The following TPD52 variants were observed in gnomAD, a reference collection of about 807,000 sequenced individuals.
TPD52 encodes tumor protein D52.
A neutral mutation model predicts 31.3 loss-of-function variants in TPD52; 17 were observed. The ratio of observed to expected loss-of-function variants is 0.54; its 90% confidence interval spans 0.37 to 0.82. TPD52 has a LOEUF of 0.82. TPD52 is among the 40% of genes least tolerant of loss of function. TPD52 has a pLI of 0.00. For missense variants in TPD52, 212 were observed against 240.1 expected, an observed-to-expected ratio of 0.88 and a Z score of 0.77; for synonymous variants, 83 against 89.6, an observed-to-expected ratio of 0.93 and a Z score of 0.42.
chr8:80,064,986 T>C, intron 1 of TPD52: 1 of 370,434 alleles, frequency 2.7e-6, no homozygotes. Flanking sequence ...GGGCAGGAGT[T>C]TGCATATCTC....
chr8:80,049,458 G>T (rs1473577592), intron 5 of TPD52, among the ~76,000 whole-genome samples: 1 of 152,142 alleles, frequency 6.6e-6, no homozygotes, highest in African/African-American at 2.4e-5. Context: ...TCAACATTTA[G>T]AGTTTATATA....
At chr8:80,034,124 T>C (rs1809765858), downstream of TPD52, among the ~76,000 whole-genome samples, 1 of 151,978 alleles carries the variant, frequency 6.6e-6, no homozygotes, top group South Asian at 2.1e-4. Flanking sequence ...GGGGCCGAGG[T>C]AGCAGGAACC....
intron 1 of TPD52, among the ~76,000 whole-genome samples, chr8:80,131,639 AT>A (rs1290745123): frequency 1.5e-4 from 23 of 152,206 alleles, no homozygotes; most frequent in African/African-American, 5.3e-4. Context: ...CCATTCCAAC[AT>A]TGTTGAAATT....
intron 1 of TPD52, among the ~76,000 whole-genome samples, chr8:80,087,443 A>G (rs1815898300): frequency 6.6e-6 from 1 of 152,224 alleles, no homozygotes; most frequent in Non-Finnish European, 1.5e-5. Flanking sequence ...AGGTATTTAC[A>G]CTATTCTTAT....
At chr8:80,064,914 T>A in intron 1 of TPD52, 1 of 496,182 alleles carries the variant, frequency 2.0e-6, no homozygotes, top group Admixed American at 2.5e-5. Context: ...AGACTTTAAA[T>A]TGCTGCAAAA....
chr8:80,061,163 C>T (rs1004778532), intron 2 of TPD52, among the ~76,000 whole-genome samples: 1 of 90,738 alleles, frequency 1.1e-5, no homozygotes, highest in African/African-American at 3.9e-5. Context: ...GTTGGGAGTT[C>T]ACAACCAGCT....
At chr8:80,157,315 G>A (rs1478171201) in intron 1 of TPD52, among the ~76,000 whole-genome samples, 2 of 151,832 alleles carry the variant, frequency 1.3e-5, no homozygotes, top group Admixed American at 6.6e-5. Flanking sequence ...TGGTAATGCT[G>A]GGAAAAATAA....
chr8:80,067,319 T>C (rs1452930416), intron 1 of TPD52: 3 of 152,020 alleles, frequency 2.0e-5, no homozygotes, highest in African/African-American at 7.3e-5. Flanking sequence ...AGCCCGTAGG[T>C]GGCAGCAAAT....
chr8:80,065,934 A>ATTTT lies in TPD52; in HGVS notation c.20-1345_20-1342dup, dbSNP rs33925188. Among the ~76,000 whole-genome samples the ATTTT allele has an allele frequency of 5.4e-5, 7 of 129,480 alleles. 1 individual carries two copies. The highest frequency in any genetic ancestry group is 8.0e-5 in the Non-Finnish European group (5 of 62,648). 84.9% of individuals were successfully genotyped at this position (129,480 alleles called of 152,430 possible). The stretch of plus-strand genomic sequence containing the variant: ...ATTACAAAGTCTCCTCTGGCAACAG[A>ATTTT]TTTTTTTTTTTTTTTTTTTGCAAAG... On this transcript the variant is annotated intron_variant, in intron 1 of 7. Transcript: ENST00000518937.
chr8:80,043,336 T>G (rs940968769), intron 6 of TPD52, among the ~76,000 whole-genome samples: 1 of 152,150 alleles, frequency 6.6e-6, no homozygotes, highest in African/African-American at 2.4e-5. Context: ...CGCCTTTGTC[T>G]CTCACAAAGG....
chr8:80,135,803 TA>T (rs1809349184), intron 1 of TPD52, among the ~76,000 whole-genome samples: 1 of 131,752 alleles, frequency 7.6e-6, no homozygotes, highest in African/African-American at 2.8e-5. Context: ...TATGCAGCCA[TA>T]AAAAATGATG....
At chr8:80,121,952 A>G (rs1281977599) in intron 1 of TPD52, among the ~76,000 whole-genome samples, 2 of 87,374 alleles carry the variant, frequency 2.3e-5, no homozygotes, top group Non-Finnish European at 4.0e-5. Context: ...TAAAGAAATT[A>G]TGTTTATCAT....
At chr8:80,080,853 A>C in intron 1 of TPD52, 1 of 648,242 alleles carries the variant, frequency 1.5e-6, no homozygotes, top group Non-Finnish European at 1.9e-6. Context: ...ACAAGAAACT[A>C]CAATTTATTT....
intron 1 of TPD52, among the ~76,000 whole-genome samples, chr8:80,096,547 A>G (rs1428250000): frequency 6.6e-6 from 1 of 152,198 alleles, no homozygotes. Flanking sequence ...TATTAGTGCC[A>G]TTATTCCAGC....
Position 80,162,447 on chromosome 8 carries a change from T to C in TPD52, c.19+8978A>G, listed in dbSNP as rs150700296. Among the ~76,000 whole-genome samples, 568 of 152,106 alleles carry C rather than the reference T, an allele frequency of 3.7e-3. 3 individuals carry two copies. Among genetic ancestry groups the C allele is most frequent in the Admixed American group, 6.2e-3 (94 of 15,270 alleles). On this transcript the variant is annotated intron_variant, in intron 1 of 7. Coordinates refer to ENST00000518937, the MANE Select transcript of TPD52 (RefSeq NM_001025253.3). Reference sequence around the variant, plus strand: ...AAATACAAATGGATAATAACATCTATAACCTCTCTAGGAAACAGACAAATT... The same window carrying C: ...AAATACAAATGGATAATAACATCTACAACCTCTCTAGGAAACAGACAAATT...
intron 2 of TPD52, among the ~76,000 whole-genome samples, chr8:80,062,895 G>T (rs1459589744): frequency 2.0e-5 from 3 of 152,088 alleles, no homozygotes; most frequent in Non-Finnish European, 2.9e-5. Flanking sequence ...CTTGGCCCAG[G>T]AGTTCAACAT....
chr8:80,071,324 C>A (rs1158527681), intron 1 of TPD52, among the ~76,000 whole-genome samples: 1 of 152,092 alleles, frequency 6.6e-6, no homozygotes, highest in African/African-American at 2.4e-5. Flanking sequence ...AGCCCCAAGC[C>A]CCTTACCTGC....
intron 1 of TPD52, among the ~76,000 whole-genome samples, chr8:80,106,136 ATATT>A (rs1202503786): frequency 2.6e-5 from 4 of 151,906 alleles, no homozygotes; most frequent in Non-Finnish European, 5.9e-5. Context: ...GTAGGTATAT[ATATT>A]TATGGGGTAC....
At chr8:80,126,915 C>G (rs1808653986) in intron 1 of TPD52, among the ~76,000 whole-genome samples, 1 of 152,092 alleles carries the variant, frequency 6.6e-6, no homozygotes, top group Non-Finnish European at 1.5e-5. Flanking sequence ...TGAGCCCAGC[C>G]TGAGCAACAT....
Sources: allele counts gnomAD v4.1 joint callset (sites outside exome capture counted in the v4.1 genomes callset), GRCh38; gene constraint gnomAD v4.1.1; transcripts MANE v1.5; gene names NCBI Gene and HGNC (gene_info 2026-07-23, HGNC 2026-07-21).